Variants in DYM observed in about 807,000 individuals in gnomAD.
The protein encoded by DYM is dyggve-Melchior-Clausen syndrome protein.
Under a neutral mutation model 93.1 loss-of-function variants are expected in DYM, and 78 were observed. That is an observed-to-expected ratio of 0.84 (90% CI 0.70 to 1.01). The LOEUF (loss-of-function observed/expected upper bound fraction) is 1.01. Among genes scored for constraint, DYM ranks in the 50% least tolerant of loss-of-function variants. DYM has a pLI of 0.00. For synonymous variants in DYM, 321 were observed against 319.7 expected (o/e 1.00, Z -0.04); for missense variants, 789 against 845.0 (o/e 0.93, Z 0.82).
At chr18:49,425,572 C>T (rs1336285814) in intron 2 of DYM, among the ~76,000 whole-genome samples, 3 of 152,092 alleles carry the variant, frequency 2.0e-5, no homozygotes, top group South Asian at 2.1e-4. Flanking sequence ...AGAGCTTCTG[C>T]ACAGCAAAAG....
intron 15 of DYM, among the ~76,000 whole-genome samples, chr18:49,162,053 G>A (rs1464984139): frequency 1.3e-5 from 2 of 152,234 alleles, no homozygotes; most frequent in East Asian, 3.9e-4. Flanking sequence ...GTGGTTAATG[G>A]CAAGATAATT....
intron 2 of DYM, among the ~76,000 whole-genome samples, chr18:49,406,876 C>T (rs1160089824): frequency 6.6e-6 from 1 of 152,182 alleles, no homozygotes; most frequent in African/African-American, 2.4e-5. Flanking sequence ...CTTATGTTCA[C>T]TCAAAAACTT....
intron 17 of DYM, among the ~76,000 whole-genome samples, chr18:49,071,842 G>A (rs1312460298): frequency 1.3e-5 from 2 of 152,198 alleles, no homozygotes; most frequent in East Asian, 3.8e-4. Flanking sequence ...AGGATCCCAT[G>A]TATAGCGTCT....
At chr18:49,384,367 T>C (rs189019076) in intron 3 of DYM, among the ~76,000 whole-genome samples, 1,680 of 145,270 alleles carry the variant, frequency 0.012, 10 homozygotes, top group Non-Finnish European at 0.017. Flanking sequence ...GAGTCACACC[T>C]GTAATCCCAG....
chr18:49,153,503 G>T (rs149021792), intron 15 of DYM, among the ~76,000 whole-genome samples: 3 of 152,280 alleles, frequency 2.0e-5, no homozygotes, highest in African/African-American at 7.2e-5. Flanking sequence ...AATACCCGAT[G>T]AACTGGAGCA....
chr18:49,162,951 G>C (rs2087356767), intron 15 of DYM, among the ~76,000 whole-genome samples: 1 of 152,190 alleles, frequency 6.6e-6, no homozygotes, highest in Admixed American at 6.5e-5. Context: ...GCAGAGACCA[G>C]AAACGAAATG....
In DYM at chr18:49,036,513, G is replaced by C. The variant is rs2070707342; in HGVS notation, c.*7542C>G. On this transcript the variant is annotated 3_prime_UTR_variant, in exon 18 of 18. Coordinates refer to ENST00000675505, the MANE Select transcript of DYM (RefSeq NM_001353214.3). ...ACTGCAATAAAGATCATTTCAACTA[G>C]ATTTAAAATTTATTGGTATTCATAA... 6.6e-6 allele frequency among the ~76,000 whole-genome samples: 1 copy of C among 152,090 alleles called. No homozygotes were observed. Among genetic ancestry groups the C allele is most frequent in the Non-Finnish European group, 1.5e-5 (1 of 68,010 alleles).
At chr18:49,242,939 A>T (rs1045527184) in intron 13 of DYM, among the ~76,000 whole-genome samples, 4 of 152,068 alleles carry the variant, frequency 2.6e-5, no homozygotes, top group African/African-American at 9.7e-5. Flanking sequence ...TGACCTCGTG[A>T]TCCACCCGTC....
intron 16 of DYM, among the ~76,000 whole-genome samples, chr18:49,108,398 G>C (rs761972783): frequency 6.6e-6 from 1 of 152,202 alleles, no homozygotes; most frequent in African/African-American, 2.4e-5. Context: ...CGCGCAGTGC[G>C]CTGCACCTAC....
chr18:49,175,349 T>C (rs958629733), intron 14 of DYM, among the ~76,000 whole-genome samples: 1 of 152,218 alleles, frequency 6.6e-6, no homozygotes, highest in Non-Finnish European at 1.5e-5. Context: ...GCAGTCTTAG[T>C]TGATTTTAGT....
At chr18:49,244,221 C>T (rs2094111274) in intron 13 of DYM, among the ~76,000 whole-genome samples, 1 of 152,118 alleles carries the variant, frequency 6.6e-6, no homozygotes, top group Non-Finnish European at 1.5e-5. Flanking sequence ...TGAGGAAATC[C>T]TCACTTAACT....
At chr18:49,435,404 A>AC (rs1310856906) in intron 1 of DYM, among the ~76,000 whole-genome samples, 1 of 141,488 alleles carries the variant, frequency 7.1e-6, no homozygotes, top group Non-Finnish European at 1.5e-5. Flanking sequence ...TACAAACTCT[A>AC]GGGTAAACAC....
chr18:49,089,273 G>A (rs2078836312), intron 17 of DYM, among the ~76,000 whole-genome samples: 1 of 152,148 alleles, frequency 6.6e-6, no homozygotes, highest in Admixed American at 6.5e-5. Context: ...CAAAGAAAAA[G>A]GAAGTTGAGT....
chr18:49,272,110 A>G, intron 11 of DYM, 68 bp downstream of exon 11: 1 of 1,406,362 alleles, frequency 7.1e-7, no homozygotes, highest in Non-Finnish European at 1.0e-6. Flanking sequence ...TGTAAAGACT[A>G]GTAAATCTTA....
In DYM at chr18:49,233,306, C is replaced by T. The variant is rs796410616; in HGVS notation, c.1461-23591G>A. Among the ~76,000 whole-genome samples the T allele has an allele frequency of 2.9e-4, 44 of 151,222 alleles. 1 individual carries two copies. Among genetic ancestry groups the T allele is most frequent in the African/African-American group, 1.0e-3 (43 of 41,150 alleles). On this transcript the variant is annotated intron_variant, in intron 13 of 17. Transcript: ENST00000675505. ...CCCAGGAGGGAGAGGCTTCAGTGAG[C>T]CGAGATCAAGCTACTGCACTCCATC...
chr18:49,149,932 C>G (rs935264107), intron 15 of DYM, among the ~76,000 whole-genome samples: 3 of 152,106 alleles, frequency 2.0e-5, no homozygotes, highest in African/African-American at 4.8e-5. Context: ...TGGTCTCGAT[C>G]TCTTGACTTC....
Position 49,108,164 on chromosome 18 carries a change from T to C in DYM, c.1911+10580A>G, listed in dbSNP as rs182279940. Among the ~76,000 whole-genome samples, 69 of 152,338 alleles carry C rather than the reference T, an allele frequency of 4.5e-4. 3 individuals are homozygous for C. Among genetic ancestry groups the C allele is most frequent in the South Asian group, 8.3e-4 (4 of 4,828 alleles). On this transcript the variant is annotated intron_variant, in intron 16 of 17. Transcript: ENST00000675505. ...GCAGTTTGATCTCAGACTACTGTGC[T>C]AGCAATGAGCGAGGCTCCATGGGTG... is the stretch of plus-strand genomic sequence containing the variant.
chr18:49,257,558 G>A (rs1265654209), intron 12 of DYM, among the ~76,000 whole-genome samples: 1 of 152,164 alleles, frequency 6.6e-6, no homozygotes, highest in Non-Finnish European at 1.5e-5. Flanking sequence ...AAAATGGGCT[G>A]GGAGTAGGGG....
intron 2 of DYM, among the ~76,000 whole-genome samples, chr18:49,393,012 A>G (rs1317227635): frequency 8.1e-6 from 1 of 122,902 alleles, no homozygotes; most frequent in African/African-American, 2.9e-5. Flanking sequence ...AAAAAAGAAG[A>G]AGAAGAAGAG....
Sources: allele counts gnomAD v4.1 joint callset (sites outside exome capture counted in the v4.1 genomes callset), GRCh38; gene constraint gnomAD v4.1.1; transcripts MANE v1.5; gene names NCBI Gene and HGNC (gene_info 2026-07-23, HGNC 2026-07-21).